PTPRD: variants seen among roughly 807,000 people sequenced by gnomAD.
PTPRD encodes receptor-type tyrosine-protein phosphatase delta.
In PTPRD, 34 loss-of-function variants were observed where a neutral mutation model predicts 214.5. That is an observed-to-expected ratio of 0.16 (90% CI 0.12 to 0.21). The LOEUF (loss-of-function observed/expected upper bound fraction) is 0.21, where lower values mean the gene tolerates loss of function less well. Among genes scored for constraint, PTPRD ranks in the 10% least tolerant of loss-of-function variants. PTPRD has a pLI of 1.00. For missense variants in PTPRD, 2,545 were observed against 2,398.7 expected (o/e 1.06, Z -1.27); for synonymous variants, 1,128 against 845.7 (o/e 1.33, Z -5.79).
intron 11 of PTPRD, among the ~76,000 whole-genome samples, chr9:8,836,747 C>G (rs1188164433): frequency 6.6e-6 from 1 of 151,322 alleles, no homozygotes; most frequent in Non-Finnish European, 1.5e-5. Flanking sequence ...CAAGCGCATG[C>G]CACCATGTCC....
At chr9:9,571,468 A>T (rs1438682661) in intron 8 of PTPRD, among the ~76,000 whole-genome samples, 1 of 151,342 alleles carries the variant, frequency 6.6e-6, no homozygotes. Context: ...TTTTAGAAGC[A>T]ATAAATATAT....
intron 9 of PTPRD, among the ~76,000 whole-genome samples, chr9:9,248,968 T>A (rs1163002309): frequency 1.3e-5 from 2 of 152,034 alleles, no homozygotes; most frequent in African/African-American, 4.8e-5. Flanking sequence ...GATCTTGCTT[T>A]TGAACGGGAG....
chr9:9,515,642 T>C (rs1467128594), intron 8 of PTPRD, among the ~76,000 whole-genome samples: 1 of 151,906 alleles, frequency 6.6e-6, no homozygotes, highest in African/African-American at 2.4e-5. Flanking sequence ...TGAAGAAATA[T>C]GTAAGGTAAT....
At chr9:10,124,554 T>C (rs1229340616) in intron 3 of PTPRD, among the ~76,000 whole-genome samples, 1 of 152,226 alleles carries the variant, frequency 6.6e-6, no homozygotes, top group African/African-American at 2.4e-5. Flanking sequence ...TCTTAGGTCT[T>C]AGCCCTTCCT....
intron 11 of PTPRD, among the ~76,000 whole-genome samples, chr9:9,013,489 TTG>T (rs1461516152): frequency 6.6e-6 from 1 of 152,162 alleles, no homozygotes; most frequent in Non-Finnish European, 1.5e-5. Context: ...TAGTGTTTTT[TTG>T]TGTGTTTGTT....
intron 8 of PTPRD, among the ~76,000 whole-genome samples, chr9:9,422,283 T>C (rs4342664): frequency 0.81 from 122,122 of 151,664 alleles, 49,290 homozygotes; most frequent in Non-Finnish European, 0.81. Context: ...CCCAGTTCTG[T>C]ACGATTTAAT....
At chr9:8,822,936 C>A (rs890517886) in intron 11 of PTPRD, among the ~76,000 whole-genome samples, 7 of 152,146 alleles carry the variant, frequency 4.6e-5, no homozygotes, top group Non-Finnish European at 7.3e-5. Context: ...GTTCACACAG[C>A]CCACACTGGA....
At chr9:9,262,705 T>C (rs1031156722) in intron 9 of PTPRD, among the ~76,000 whole-genome samples, 2 of 151,710 alleles carry the variant, frequency 1.3e-5, no homozygotes, top group Admixed American at 1.3e-4. Flanking sequence ...GGTTCTTTTA[T>C]AACAGAATCC....
At chr9:9,650,454 G>C (rs1237579108) in intron 7 of PTPRD, among the ~76,000 whole-genome samples, 2 of 152,124 alleles carry the variant, frequency 1.3e-5, no homozygotes, top group African/African-American at 2.4e-5. Context: ...TACTAAATTT[G>C]GTTTGCTGAT....
Position 9,136,289 on chromosome 9 carries a change from T to G in PTPRD, c.-143+47015A>C, listed in dbSNP as rs149515441. On this transcript the variant is annotated intron_variant, in intron 10 of 45. Transcript: ENST00000381196. ...TAACATCTTTTGGTCATGGTTGTTTTTAGATTAACATGGCTTAATTACTTT... is the reference window on the plus strand; with the variant it reads ...TAACATCTTTTGGTCATGGTTGTTTGTAGATTAACATGGCTTAATTACTTT... Among the ~76,000 whole-genome samples, 350 of 152,298 alleles carry G rather than the reference T, an allele frequency of 2.3e-3. 3 individuals are homozygous for G. The highest frequency in any genetic ancestry group is 8.2e-3 in the African/African-American group (341 of 41,574).
At chr9:9,765,480 A>C (rs1300844772) in intron 6 of PTPRD, among the ~76,000 whole-genome samples, 2 of 152,190 alleles carry the variant, frequency 1.3e-5, no homozygotes, top group Non-Finnish European at 2.9e-5. Flanking sequence ...AAAATAAAGA[A>C]CAGTGACTCA....
chr9:9,379,083 T>A (rs1280187618), intron 9 of PTPRD, among the ~76,000 whole-genome samples: 3 of 151,562 alleles, frequency 2.0e-5, no homozygotes, highest in Admixed American at 6.6e-5. Context: ...ATTGCTATAT[T>A]TTGTCATCTA....
intron 14 of PTPRD, among the ~76,000 whole-genome samples, chr9:8,627,559 C>G (rs1182179669): frequency 6.6e-6 from 1 of 151,824 alleles, no homozygotes; most frequent in Non-Finnish European, 1.5e-5. Flanking sequence ...GTTCTCACTT[C>G]AATGCAATGA....
At chr9:10,416,684 A>G (rs943083099) in intron 2 of PTPRD, among the ~76,000 whole-genome samples, 5 of 151,926 alleles carry the variant, frequency 3.3e-5, no homozygotes, top group African/African-American at 1.2e-4. Context: ...AGTAAGAAAT[A>G]TCACATATCA....
intron 11 of PTPRD, among the ~76,000 whole-genome samples, chr9:8,869,703 C>T (rs918116566): frequency 3.3e-5 from 5 of 149,256 alleles, no homozygotes; most frequent in East Asian, 2.0e-4. Flanking sequence ...CAGGATTTGC[C>T]TTTTTCTTTC....
intron 4 of PTPRD, among the ~76,000 whole-genome samples, chr9:9,970,274 C>T (rs918301054): frequency 6.6e-6 from 1 of 151,680 alleles, no homozygotes; most frequent in Non-Finnish European, 1.5e-5. Flanking sequence ...CACGGTGAAA[C>T]CCCATCTCTA....
intron 11 of PTPRD, among the ~76,000 whole-genome samples, chr9:8,779,081 C>T (rs9299074): frequency 0.11 from 16,946 of 152,140 alleles, 999 homozygotes; most frequent in Non-Finnish European, 0.13. Flanking sequence ...GAGGCAAGCC[C>T]TGGGCTAAAG....
At chr9:10,579,729 T>C (rs144009575) in intron 2 of PTPRD, among the ~76,000 whole-genome samples, 1 of 152,172 alleles carries the variant, frequency 6.6e-6, no homozygotes, top group Non-Finnish European at 1.5e-5. Context: ...TTTTCATCAA[T>C]GTGTATAACT....
In PTPRD at chr9:9,336,868, G is replaced by C. The variant is rs191864768; in HGVS notation, c.-203+60581C>G. On this transcript the variant is annotated intron_variant, in intron 9 of 45. Coordinates refer to ENST00000381196, the MANE Select transcript of PTPRD (RefSeq NM_002839.4). Reference sequence around the variant, plus strand: ...GTTTATATGAGTAAGACATTTTTCAGTGATGGCTCCCTGTTGTGAACTTCG... The same window carrying C: ...GTTTATATGAGTAAGACATTTTTCACTGATGGCTCCCTGTTGTGAACTTCG... 3.6e-3 allele frequency among the ~76,000 whole-genome samples: 549 copies of C among 152,148 alleles called. 4 individuals are homozygous for C. Among genetic ancestry groups the C allele is most frequent in the African/African-American group, 0.013 (532 of 41,504 alleles).
Sources: allele counts gnomAD v4.1 joint callset (sites outside exome capture counted in the v4.1 genomes callset), GRCh38; gene constraint gnomAD v4.1.1; transcripts MANE v1.5; gene names NCBI Gene and HGNC (gene_info 2026-07-23, HGNC 2026-07-21).